ADAMTSL1: variants seen among roughly 807,000 people sequenced by gnomAD.
The protein encoded by ADAMTSL1 is ADAMTS like 1.
In ADAMTSL1, 126 loss-of-function variants were observed where a neutral mutation model predicts 201.8. The observed-to-expected ratio is 0.62, with a 90% CI of 0.54 to 0.72. The LOEUF (loss-of-function observed/expected upper bound fraction) is 0.72. Among genes scored for constraint, ADAMTSL1 ranks in the 30% least tolerant of loss-of-function variants. ADAMTSL1 has a pLI of 0.00. For synonymous variants in ADAMTSL1, 1,121 were observed against 903.4 expected (o/e 1.24, Z -4.32); for missense variants, 2,679 against 2,277.8 (o/e 1.18, Z -3.59).
intron 1 of ADAMTSL1, among the ~76,000 whole-genome samples, chr9:17,947,476 G>A (rs1309633181): frequency 6.6e-6 from 1 of 151,864 alleles, no homozygotes; most frequent in African/African-American, 2.4e-5. Flanking sequence ...GTTTTTACTA[G>A]GATGCTGTAT....
chr9:18,496,047 T>A (rs986242342), intron 1 of ADAMTSL1, among the ~76,000 whole-genome samples: 1 of 152,198 alleles, frequency 6.6e-6, no homozygotes, highest in Non-Finnish European at 1.5e-5. Context: ...TAACTGTAGA[T>A]AACTCAAAAA....
At chr9:18,526,546 C>A (rs1273049848) in intron 2 of ADAMTSL1, among the ~76,000 whole-genome samples, 2 of 152,202 alleles carry the variant, frequency 1.3e-5, no homozygotes, top group Admixed American at 1.3e-4. Context: ...ATGGTCTTTA[C>A]AATTTGGCAT....
At chr9:18,421,893 A>G (rs1818969242) in intron 2 of ADAMTSL1, among the ~76,000 whole-genome samples, 1 of 152,222 alleles carries the variant, frequency 6.6e-6, no homozygotes, top group South Asian at 2.1e-4. Flanking sequence ...TATTACAAAT[A>G]GTCAAGGATT....
chr9:18,824,715 T>TTTTTTTTA (rs1554643152), intron 21 of ADAMTSL1, among the ~76,000 whole-genome samples: 1 of 147,324 alleles, frequency 6.8e-6, no homozygotes, highest in African/African-American at 2.5e-5. Flanking sequence ...TTTTTTTTTT[T>TTTTTTTTA]GAGACAGAGT....
At chr9:18,324,757 T>A (rs1834762657) in intron 2 of ADAMTSL1, among the ~76,000 whole-genome samples, 1 of 142,496 alleles carries the variant, frequency 7.0e-6, no homozygotes, top group African/African-American at 2.6e-5. Context: ...AGAGCGAAAC[T>A]CCATCTCAAA....
intron 1 of ADAMTSL1, among the ~76,000 whole-genome samples, chr9:18,077,651 A>C: frequency 6.6e-6 from 1 of 152,210 alleles, no homozygotes; most frequent in Non-Finnish European, 1.5e-5. Context: ...GAAGGTAAAC[A>C]TCAAGTAAAT....
intron 2 of ADAMTSL1, among the ~76,000 whole-genome samples, chr9:18,188,712 C>T (rs1828845281): frequency 6.6e-6 from 1 of 152,174 alleles, no homozygotes; most frequent in Admixed American, 6.5e-5. Context: ...CATGGGTCAA[C>T]CCTCCTTGGT....
chr9:17,908,093 G>A (rs1034031734), intron 1 of ADAMTSL1, among the ~76,000 whole-genome samples: 5 of 152,144 alleles, frequency 3.3e-5, no homozygotes, highest in Non-Finnish European at 7.3e-5. Context: ...AGAGGACCGA[G>A]AATGTTGTCT....
At chr9:18,474,737 A>G (rs913048691) in intron 1 of ADAMTSL1, among the ~76,000 whole-genome samples, 17 of 152,124 alleles carry the variant, frequency 1.1e-4, no homozygotes, top group African/African-American at 2.4e-4. Context: ...CCATCTATGC[A>G]CATGTACTAT....
chr9:18,646,281 G>A (rs1412643500), intron 7 of ADAMTSL1, among the ~76,000 whole-genome samples: 3 of 152,198 alleles, frequency 2.0e-5, no homozygotes, highest in Admixed American at 1.3e-4. Context: ...AGCTTAAGGA[G>A]ATTTTGGGCT....
intron 15 of ADAMTSL1, among the ~76,000 whole-genome samples, chr9:18,722,514 T>C (rs1251212777): frequency 6.6e-6 from 1 of 152,246 alleles, no homozygotes; most frequent in Non-Finnish European, 1.5e-5. Flanking sequence ...AATACCTGTA[T>C]TGCTGTCAGG....
intron 1 of ADAMTSL1, among the ~76,000 whole-genome samples, chr9:18,484,044 T>C (rs1821864828): frequency 6.6e-6 from 1 of 152,206 alleles, no homozygotes; most frequent in Non-Finnish European, 1.5e-5. Flanking sequence ...TCATATGGGA[T>C]CTTGCATGTA....
At chr9:18,316,555 C>T (rs540764854) in intron 2 of ADAMTSL1, among the ~76,000 whole-genome samples, 8 of 152,178 alleles carry the variant, frequency 5.3e-5, no homozygotes, top group South Asian at 2.1e-4. Flanking sequence ...GGCTCTGTTC[C>T]GCCTGGCTCA....
chr9:18,899,939 T>C (rs1372341513), intron 26 of ADAMTSL1, among the ~76,000 whole-genome samples: 2 of 152,150 alleles, frequency 1.3e-5, no homozygotes, highest in African/African-American at 4.8e-5. Context: ...AATTGACAAA[T>C]GAGTTCTAAC....
At chr9:18,532,545 A>T (rs1819507682) in intron 2 of ADAMTSL1, among the ~76,000 whole-genome samples, 1 of 152,114 alleles carries the variant, frequency 6.6e-6, no homozygotes, top group South Asian at 2.1e-4. Flanking sequence ...GGTGTTTTTA[A>T]AGTTATTTAA....
chr9:18,879,713 C>T (rs1442413834), intron 23 of ADAMTSL1, among the ~76,000 whole-genome samples: 1 of 152,184 alleles, frequency 6.6e-6, no homozygotes, highest in Non-Finnish European at 1.5e-5. Context: ...GGTGGAGGGT[C>T]TTGCCTTCAT....
At position 18,795,484 on chromosome 9, in the gene ADAMTSL1, C is replaced by G; in HGVS notation, c.3765C>G (p.Ala1255=). Residue 1255 remains alanine, a synonymous_variant, in exon 20 of 29, where the codon GCC becomes GCG. Transcript: ENST00000380548. ...TCTACACTTGCAATGCCACCAATGC[C>G]TTGGGATACGACTCTGTCTCCATTG... ...VGFYTCNATN[A]LGYDSVSIAV... 1 of 1,613,786 alleles carries G rather than the reference C, an allele frequency of 6.2e-7. No individual in the cohort carries two copies. The highest frequency in any genetic ancestry group is 8.5e-7 in the Non-Finnish European group (1 of 1,179,816).
chr9:18,089,519 A>G lies in ADAMTSL1; in HGVS notation c.88-74343A>G, dbSNP rs536228908. 3.3e-5 allele frequency among the ~76,000 whole-genome samples: 5 copies of G among 152,270 alleles called. No homozygotes were observed. The South Asian group carries it at 1.0e-3, about 32-fold the overall frequency. ...TTAGGAGAAATACCTAACGTAGATG[A>G]CGGGTTGATGGGTGCAGCAAACCAC... On this transcript the variant is annotated intron_variant, in intron 1 of 29. Transcript: ENST00000680146.
intron 2 of ADAMTSL1, among the ~76,000 whole-genome samples, chr9:18,406,693 G>A (rs557030039): frequency 1.3e-4 from 20 of 152,164 alleles, no homozygotes; most frequent in African/African-American, 4.8e-4. Flanking sequence ...CTATTAATTA[G>A]TAATCTTTAT....
Sources: gnomAD v4.1 joint callset for allele counts (sites outside exome capture counted in the v4.1 genomes callset) on GRCh38, gnomAD v4.1.1 for gene constraint, MANE v1.5 for transcripts, NCBI Gene and HGNC (gene_info 2026-07-23, HGNC 2026-07-21) for gene names.